The following C13orf46 variants were observed in gnomAD, a reference collection of about 807,000 sequenced individuals.
C13orf46 encodes the protein chromosome 13 open reading frame 46.
rs1454003088 is a variant in C13orf46, at chr13:113,955,762, T to G, written c.*1011A>C. On this transcript the variant is annotated 3_prime_UTR_variant, in exon 7 of 7. Coordinates refer to ENST00000636427, the MANE Select transcript of C13orf46 (RefSeq NM_001365455.2). ...TAGTGTCTGGCAGAGAGGAGGAGCA[T>G]CCGGCGGAGACGAGGAGCAGCCGGC... The G allele has an allele frequency of 1.8e-4, 25 of 139,796 alleles. No individual in the cohort carries two copies. The South Asian group carries it at 3.5e-3, about 19-fold the overall frequency. 8.7% of individuals were successfully genotyped at this position (139,796 alleles called of 1,614,324 possible).
At chr13:113,929,096 C>T in the C13orf46 span, among the ~76,000 whole-genome samples, 1 of 152,358 alleles carries the variant, frequency 6.6e-6, no homozygotes, top group Middle Eastern at 3.4e-3. Flanking sequence ...GGGCCCCTGC[C>T]CTGCGGTCTG....
At chr13:113,951,346 G>A (rs951210490), downstream of C13orf46, among the ~76,000 whole-genome samples, 2,636 of 152,296 alleles carry the variant, frequency 0.017, 35 homozygotes, top group South Asian at 0.03. Flanking sequence ...TCGTCCCTGC[G>A]GGCCGGGCTG....
chr13:113,945,616 GAAA>G, the C13orf46 span, among the ~76,000 whole-genome samples: 2 of 107,684 alleles, frequency 1.9e-5, no homozygotes, highest in African/African-American at 3.5e-5. Context: ...AAGAAAGAAA[GAAA>G]GAAAGAAAGA....
At chr13:113,943,122 A>G in the C13orf46 span, among the ~76,000 whole-genome samples, 1 of 152,302 alleles carries the variant, frequency 6.6e-6, no homozygotes, top group East Asian at 1.9e-4. Flanking sequence ...GGGGTCAGAC[A>G]GCAGCGTTGG....
At chr13:113,957,883 C>A (rs2138978983) in intron 6 of C13orf46, among the ~76,000 whole-genome samples, 1 of 145,732 alleles carries the variant, frequency 6.9e-6, no homozygotes, top group African/African-American at 2.6e-5. Context: ...CCCCTGCACT[C>A]CATATGCACC....
At chr13:113,972,596 C>G (rs1404510593) in intron 1 of C13orf46, among the ~76,000 whole-genome samples, 4 of 152,178 alleles carry the variant, frequency 2.6e-5, no homozygotes, top group Non-Finnish European at 4.4e-5. Flanking sequence ...CAGCACCATC[C>G]CCAGGCCCAC....
the C13orf46 span, among the ~76,000 whole-genome samples, chr13:113,947,007 G>A: frequency 6.6e-6 from 1 of 152,248 alleles, no homozygotes; most frequent in Non-Finnish European, 1.5e-5. Context: ...CTCTCTGGCT[G>A]TGGCCAGCAC....
At chr13:113,969,975 C>G (rs1466125187) in intron 2 of C13orf46, among the ~76,000 whole-genome samples, 196 bp downstream of exon 2, 1 of 152,122 alleles carries the variant, frequency 6.6e-6, no homozygotes, top group Non-Finnish European at 1.5e-5. Flanking sequence ...GAATTCCTCT[C>G]AAAATAAGGA....
At chr13:113,967,848 C>T (rs1212830485) in intron 4 of C13orf46, among the ~76,000 whole-genome samples, 5 of 152,194 alleles carry the variant, frequency 3.3e-5, no homozygotes, top group Admixed American at 3.3e-4. Context: ...CAGGAGACCC[C>T]CCCCGGGATG....
chr13:113,952,347 G>C (rs1015649053), downstream of C13orf46, among the ~76,000 whole-genome samples: 1 of 116,190 alleles, frequency 8.6e-6, no homozygotes, highest in Non-Finnish European at 2.2e-5. Context: ...TGTGGCCGCC[G>C]CTCCCGCCTG....
chr13:113,945,620 GAAAGAAAGAAAGA>G, the C13orf46 span, among the ~76,000 whole-genome samples: 5 of 119,536 alleles, frequency 4.2e-5, no homozygotes, highest in Non-Finnish European at 7.3e-5. Flanking sequence ...AAGAAAGAAA[GAAAGAAAGAAAGA>G]AAGAAAGAAA....
chr13:113,926,838 G>A, the C13orf46 span: 2 of 152,336 alleles, frequency 1.3e-5, no homozygotes, highest in Non-Finnish European at 2.9e-5. Context: ...TTACTGAGAC[G>A]ATTCTGTTTA....
chr13:113,945,594 A>AAAGAAAGAAAG, the C13orf46 span, among the ~76,000 whole-genome samples: 1 of 127,952 alleles, frequency 7.8e-6, no homozygotes, highest in Admixed American at 8.0e-5. Flanking sequence ...AGAGAGAGAG[A>AAAGAAAGAAAG]AAGAAAGAAA....
At chr13:113,964,182 A>G (rs2052615085) in intron 6 of C13orf46, among the ~76,000 whole-genome samples, 1 of 152,212 alleles carries the variant, frequency 6.6e-6, no homozygotes, top group South Asian at 2.1e-4. Context: ...AGAACAATTC[A>G]TCCTTTAAAA....
intron 5 of C13orf46, among the ~76,000 whole-genome samples, chr13:113,966,965 G>A (rs1426919829): frequency 5.3e-5 from 8 of 152,240 alleles, no homozygotes; most frequent in Non-Finnish European, 1.2e-4. Flanking sequence ...AGCATTTACT[G>A]ACAGAACCAC....
the C13orf46 span, among the ~76,000 whole-genome samples, chr13:113,930,363 C>T: frequency 3.8e-5 from 3 of 78,514 alleles, no homozygotes; most frequent in Admixed American, 1.0e-4. Flanking sequence ...GAGGTGGGGG[C>T]GCAGGAGCAC....
chr13:113,943,762 A>T, the C13orf46 span, among the ~76,000 whole-genome samples: 13 of 152,296 alleles, frequency 8.5e-5, no homozygotes, highest in East Asian at 2.5e-3. Context: ...AGTGTCAGGC[A>T]TGGCCCCTTG....
the C13orf46 span, among the ~76,000 whole-genome samples, chr13:113,939,839 C>A: frequency 6.6e-6 from 1 of 152,186 alleles, no homozygotes; most frequent in Non-Finnish European, 1.5e-5. Context: ...GCTGGGAAGG[C>A]CAAAGGGATC....
chr13:113,955,775 AG>A lies in C13orf46; in HGVS notation c.*997del, dbSNP rs2052524343. Reference sequence around the variant, plus strand: ...AGAGGAGGAGCATCCGGCGGAGACGAGGAGCAGCCGGCGGAGACGAGGAGCA... The same window carrying A: ...AGAGGAGGAGCATCCGGCGGAGACGAGAGCAGCCGGCGGAGACGAGGAGCA... On this transcript the variant is annotated 3_prime_UTR_variant, in exon 7 of 7. Coordinates refer to ENST00000636427, the MANE Select transcript of C13orf46 (RefSeq NM_001365455.2). The A allele has an allele frequency of 1.3e-3, 178 of 131,880 alleles. No homozygotes were observed. Among genetic ancestry groups the A allele is most frequent in the Non-Finnish European group, 2.3e-3 (134 of 58,722 alleles). The allele number at this position is 131,880 out of a possible 1,614,324, so 8.2% of individuals were successfully genotyped here. A position where few individuals can be genotyped will look rare whatever the true frequency, so the allele number is the denominator to read the frequency against.
Sources: gnomAD v4.1 joint callset for allele counts (sites outside exome capture counted in the v4.1 genomes callset) on GRCh38, gnomAD v4.1.1 for gene constraint, MANE v1.5 for transcripts, NCBI Gene and HGNC (gene_info 2026-07-23, HGNC 2026-07-21) for gene names.